GLDC: variants seen among roughly 807,000 people sequenced by gnomAD.
GLDC encodes glycine dehydrogenase (decarboxylating), mitochondrial.
A neutral mutation model predicts 121.3 loss-of-function variants in GLDC; 104 were observed. The ratio of observed to expected loss-of-function variants is 0.86; its 90% confidence interval spans 0.73 to 1.01. The LOEUF (loss-of-function observed/expected upper bound fraction) is 1.01, where lower values mean the gene tolerates loss of function less well. Among genes scored for constraint, GLDC ranks in the 50% least tolerant of loss-of-function variants. The probability of loss-of-function intolerance (pLI) is 0.00; values close to 1 mark genes in which losing one functional copy is unlikely to be tolerated. For missense variants in GLDC, 1,429 were observed against 1,306.6 expected (o/e 1.09, Z -1.44); for synonymous variants, 546 against 480.6 (o/e 1.14, Z -1.78).
At chr9:6,564,386 C>T (rs1817815277) in intron 16 of GLDC, among the ~76,000 whole-genome samples, 1 of 152,048 alleles carries the variant, frequency 6.6e-6, no homozygotes, top group Non-Finnish European at 1.5e-5. Flanking sequence ...GGAAGTGAAA[C>T]ACTTTCAGCA....
At chr9:6,554,090 C>T in intron 19 of GLDC, among the ~76,000 whole-genome samples, 1 of 152,156 alleles carries the variant, frequency 6.6e-6, no homozygotes, top group East Asian at 1.9e-4. Flanking sequence ...TGAAGCAGCT[C>T]AGGAAAACAG....
At chr9:6,571,509 G>C (rs772629732) in intron 15 of GLDC, among the ~76,000 whole-genome samples, 2 of 152,116 alleles carry the variant, frequency 1.3e-5, no homozygotes, top group Non-Finnish European at 2.9e-5. Flanking sequence ...CAGTGAGATC[G>C]TGCCACTGTA....
At chr9:6,552,196 G>A (rs1308588615) in intron 20 of GLDC, among the ~76,000 whole-genome samples, 1 of 152,104 alleles carries the variant, frequency 6.6e-6, no homozygotes, top group Non-Finnish European at 1.5e-5. Flanking sequence ...AATAAGAGAA[G>A]GCCCAAGGCC....
intron 2 of GLDC, among the ~76,000 whole-genome samples, chr9:6,620,556 T>C (rs1026265633): frequency 6.6e-6 from 1 of 152,106 alleles, no homozygotes; most frequent in Non-Finnish European, 1.5e-5. Context: ...GTTTTGACTG[T>C]TCCTTATTCG....
At chr9:6,610,452 T>G in intron 3 of GLDC, 96 bp from the exon 4 acceptor site, 1 of 1,256,440 alleles carries the variant, frequency 8.0e-7, no homozygotes, top group Non-Finnish European at 1.1e-6. Context: ...GAAAATAATT[T>G]GCCTATCTTG....
intron 3 of GLDC, 42 bp from the exon 4 acceptor site, chr9:6,610,398 T>G: frequency 1.2e-6 from 2 of 1,601,728 alleles, no homozygotes; most frequent in Non-Finnish European, 1.7e-6. Context: ...TGACTGCTGT[T>G]TAGAGAAGCA....
intron 22 of GLDC, among the ~76,000 whole-genome samples, chr9:6,536,468 T>C (rs2129650760): frequency 6.6e-6 from 1 of 152,180 alleles, no homozygotes; most frequent in East Asian, 1.9e-4. Flanking sequence ...AGCACCTATA[T>C]GGTAAATAGA....
chr9:6,623,978 T>C (rs1819177694), intron 2 of GLDC, among the ~76,000 whole-genome samples: 2 of 152,218 alleles, frequency 1.3e-5, no homozygotes, highest in Admixed American at 1.3e-4. Flanking sequence ...CTGTTCTGCG[T>C]TGGTCCAGCT....
chr9:6,631,322 G>T (rs200684855), intron 2 of GLDC, among the ~76,000 whole-genome samples: 1 of 152,286 alleles, frequency 6.6e-6, no homozygotes, highest in East Asian at 1.9e-4. Flanking sequence ...CCTTGTCTCC[G>T]TATGAGTGAG....
In GLDC at chr9:6,536,154, C is replaced by T. The variant is rs139982267; in HGVS notation, c.2748G>A (p.Leu916=). The T allele has an allele frequency of 3.3e-4, 532 of 1,614,098 alleles. 2 individuals are homozygous for T. The African/African-American group carries it at 5.9e-3, about 18-fold the overall frequency. Reference sequence around the variant, plus strand: ...TGATCATGGCATCACAGAATCTGTCCAGCTCTGCCTTGTCCTCCGACTCAG... The same window carrying T: ...TGATCATGGCATCACAGAATCTGTCTAGCTCTGCCTTGTCCTCCGACTCAG... ...EPTESEDKAE[L]DRFCDAMISI... is the part of the protein sequence containing the mutation. Residue 916 remains leucine (L), a synonymous_variant, in exon 23 of 25, where the codon CTG becomes CTA. Coordinates refer to ENST00000321612, the MANE Select transcript of GLDC (RefSeq NM_000170.3).
At position 6,558,521 on chromosome 9, in the gene GLDC, T is replaced by A. The variant is rs772875112; in HGVS notation, c.2052+38A>T. ...CCCTGATCCCCACCAGCACTCCCCATCCCGGCCTCTCCCATCTGCTAAGGA... is the reference window on the plus strand; with the variant it reads ...CCCTGATCCCCACCAGCACTCCCCAACCCGGCCTCTCCCATCTGCTAAGGA... On this transcript the variant is annotated intron_variant, in intron 17 of 24. Transcript: ENST00000321612. 2.5e-6 allele frequency: 4 copies of A among 1,612,114 alleles called. No individual in the cohort carries two copies. The African/African-American group carries it at 5.3e-5, about 22-fold the overall frequency.
chr9:6,560,412 C>G (rs1456042315), intron 16 of GLDC, among the ~76,000 whole-genome samples: 1 of 152,218 alleles, frequency 6.6e-6, no homozygotes, highest in Admixed American at 6.5e-5. Flanking sequence ...AGGTTTGTGT[C>G]CCTTTAGAAC....
intron 22 of GLDC, among the ~76,000 whole-genome samples, chr9:6,537,782 T>C (rs1198761639): frequency 6.6e-6 from 1 of 151,820 alleles, no homozygotes; most frequent in Non-Finnish European, 1.5e-5. Context: ...CTTGTCTCTA[T>C]TAAAAAAAAA....
At chr9:6,565,231 T>G in intron 16 of GLDC, 123 bp downstream of exon 16, 1 of 793,542 alleles carries the variant, frequency 1.3e-6, no homozygotes, top group South Asian at 1.4e-5. Flanking sequence ...AATTTGTTTC[T>G]TGACTATATG....
intron 1 of GLDC, 147 bp downstream of exon 1, chr9:6,645,098 A>C: frequency 1.3e-6 from 1 of 752,164 alleles, no homozygotes; most frequent in Non-Finnish European, 2.1e-6. Context: ...CAAAGGCACG[A>C]ATTTGCTTCC....
At chr9:6,622,923 GC>G (rs923035023) in intron 2 of GLDC, 1 of 206,452 alleles carries the variant, frequency 4.8e-6, no homozygotes, top group African/African-American at 2.5e-5. Context: ...GAGCACCTCT[GC>G]CTGGCCGCGA....
chr9:6,536,734 ATGTGCAATTAAGAGAAAT>A (rs1470393855), intron 22 of GLDC, among the ~76,000 whole-genome samples: 1 of 152,188 alleles, frequency 6.6e-6, no homozygotes, highest in Admixed American at 6.5e-5. Flanking sequence ...ATCATGTATT[ATGTGCAATTAAGAGAAAT>A]AAAAATATTA....
chr9:6,641,793 C>T (rs116501226), intron 2 of GLDC, among the ~76,000 whole-genome samples: 2,335 of 152,268 alleles, frequency 0.015, 61 homozygotes, highest in African/African-American at 0.053. Context: ...AATCTTTACT[C>T]TGCAATGAAG....
chr9:6,560,431 G>A (rs1466612102), intron 16 of GLDC, among the ~76,000 whole-genome samples: 1 of 152,192 alleles, frequency 6.6e-6, no homozygotes, highest in Non-Finnish European at 1.5e-5. Context: ...ACGGCTGTTG[G>A]TCTCATACTG....
Sources: gnomAD v4.1 joint callset for allele counts (sites outside exome capture counted in the v4.1 genomes callset) on GRCh38, gnomAD v4.1.1 for gene constraint, MANE v1.5 for transcripts, NCBI Gene and HGNC (gene_info 2026-07-23, HGNC 2026-07-21) for gene names.